The following CTSH variants were observed in gnomAD, a reference collection of about 807,000 sequenced individuals.
CTSH encodes the protein cathepsin H.
A neutral mutation model predicts 56.3 loss-of-function variants in CTSH; 52 were observed. The observed-to-expected ratio is 0.92, with a 90% CI of 0.74 to 1.16. The LOEUF (loss-of-function observed/expected upper bound fraction) is 1.16, where lower values mean the gene tolerates loss of function less well. Among genes scored for constraint, CTSH ranks in the 50% most tolerant of loss-of-function variants. The pLI is 0.00. For synonymous variants in CTSH, 174 were observed against 155.7 expected (o/e 1.12, Z -0.88); for missense variants, 406 against 424.5 (o/e 0.96, Z 0.38).
At chr15:78,924,852 CTT>C (rs10689092) in intron 10 of CTSH, among the ~76,000 whole-genome samples, 14 of 135,712 alleles carry the variant, frequency 1.0e-4, no homozygotes, top group African/African-American at 1.9e-4. Context: ...ACCACGCTGG[CTT>C]TTTTTTTTTT....
chr15:78,931,923 T>G, intron 6 of CTSH: 4 of 1,183,468 alleles, frequency 3.4e-6, no homozygotes, highest in Non-Finnish European at 4.2e-6. Flanking sequence ...GCACTGTCCC[T>G]CCTTTCTCCA....
intron 10 of CTSH, among the ~76,000 whole-genome samples, chr15:78,924,483 C>T (rs960862909): frequency 8.5e-5 from 13 of 152,048 alleles, no homozygotes; most frequent in East Asian, 3.9e-4. Flanking sequence ...TAGTGAGTGA[C>T]GTTAACGGGC....
intron 1 of CTSH, 145 bp downstream of exon 1, chr15:78,944,746 C>T (rs1488568825): frequency 1.5e-6 from 2 of 1,343,366 alleles, no homozygotes; most frequent in Admixed American, 6.4e-5. Flanking sequence ...TACCCCTCCC[C>T]GTGCCAGCAC....
At chr15:78,938,413 T>C (rs1287534178) in intron 2 of CTSH, among the ~76,000 whole-genome samples, 1 of 152,148 alleles carries the variant, frequency 6.6e-6, no homozygotes, top group African/African-American at 2.4e-5. Flanking sequence ...TTTATCTTCA[T>C]CCCTGCTTCC....
chr15:78,944,813 T>G (rs773037361), intron 1 of CTSH, 78 bp downstream of exon 1: 26 of 1,470,110 alleles, frequency 1.8e-5, no homozygotes, highest in Non-Finnish European at 2.4e-5. Flanking sequence ...CGGAGCCCAG[T>G]GCGCCCCTGG....
intron 6 of CTSH, 89 bp from the exon 7 acceptor site, chr15:78,931,595 A>G (rs2055062529): frequency 6.2e-7 from 1 of 1,605,836 alleles, no homozygotes. Flanking sequence ...GCTGAGCCAC[A>G]TCTGAGGCCC....
intron 9 of CTSH, chr15:78,925,913 A>C (rs566458107): frequency 5.6e-4 from 89 of 158,906 alleles, no homozygotes; most frequent in African/African-American, 2.1e-3. Context: ...GGGGGAAGGT[A>C]GGTGGGGGGA....
intron 6 of CTSH, chr15:78,931,903 G>C: frequency 8.3e-7 from 1 of 1,208,294 alleles, no homozygotes; most frequent in Admixed American, 3.6e-5. Flanking sequence ...GGCATCACCA[G>C]GCCGGCTGTG....
chr15:78,934,771 G>A (rs1029845988), intron 5 of CTSH: 12 of 658,628 alleles, frequency 1.8e-5, no homozygotes, highest in African/African-American at 7.2e-5. Context: ...GCCCAATAAA[G>A]AGGAACTTTT....
intron 7 of CTSH, among the ~76,000 whole-genome samples, chr15:78,930,673 A>G (rs973560778): frequency 1.3e-5 from 2 of 152,202 alleles, no homozygotes; most frequent in African/African-American, 4.8e-5. Context: ...GTAAGGGGAC[A>G]CTGAGCATGA....
At position 78,922,091 on chromosome 15, in the gene CTSH, C is replaced by T. The variant is rs1054905615; in HGVS notation, c.*39G>A. The T allele has an allele frequency of 1.3e-5, 20 of 1,542,464 alleles. No individual in the cohort carries two copies. Among genetic ancestry groups the T allele is most frequent in the Non-Finnish European group, 1.8e-5 (20 of 1,140,644 alleles). ...CCACCCAGGCCCAGGCTGCCCGTTC[C>T]TCTCCTTCTCCGCCAGTCTGCGCTG... On this transcript the variant is annotated 3_prime_UTR_variant, in exon 12 of 12. Transcript: ENST00000220166.
chr15:78,937,393 G>A lies in CTSH; in HGVS notation c.154C>T (p.His52Tyr), dbSNP rs769852536. 1.2e-6 allele frequency: 2 copies of A among 1,614,134 alleles called. No individual in the cohort carries two copies. Among genetic ancestry groups the A allele is most frequent in the South Asian group, 2.2e-5 (2 of 91,084 alleles). The change falls in exon 3 of 12, where the codon CAC becomes TAC. Residue 52 changes from histidine (H) to tyrosine (Y), a missense_variant. By Grantham distance (83) the His-to-Tyr change is moderately conservative. Coordinates refer to ENST00000220166, the MANE Select transcript of CTSH (RefSeq NM_004390.5). ...CTGGCAAACGTCTGCAGCCTGTGGTGGTACTCCTCCGTACTGTAGGTCTTA... is the reference window on the plus strand; with the variant it reads ...CTGGCAAACGTCTGCAGCCTGTGGTAGTACTCCTCCGTACTGTAGGTCTTA... ...HRKTYSTEEY[H>Y]HRLQTFASNW...
chr15:78,931,521 C>A lies in CTSH; in HGVS notation c.493-15G>T. The stretch of plus-strand genomic sequence containing the variant: ...TGCTGTTCCGCCTGGAAGAAGGACA[C>A]AACCCAGTGACCTGCCAGCTGAGAA... On this transcript the variant is annotated splice_polypyrimidine_tract_variant and intron_variant, in intron 6 of 11. Coordinates refer to ENST00000220166, the MANE Select transcript of CTSH (RefSeq NM_004390.5). The A allele has an allele frequency of 1.2e-6, 2 of 1,614,220 alleles. No individual in the cohort carries two copies. Among genetic ancestry groups the A allele is most frequent in the Non-Finnish European group, 1.7e-6 (2 of 1,180,034 alleles).
intron 2 of CTSH, among the ~76,000 whole-genome samples, chr15:78,938,814 A>T (rs535292193): frequency 6.8e-6 from 1 of 146,468 alleles, no homozygotes; most frequent in South Asian, 2.3e-4. Flanking sequence ...TTTTGTTTTG[A>T]GTTTTTGATG....
At chr15:78,940,420 C>T (rs923200804) in intron 1 of CTSH, among the ~76,000 whole-genome samples, 32 of 149,412 alleles carry the variant, frequency 2.1e-4, no homozygotes, top group East Asian at 1.9e-4. Context: ...CTCGTCTCTA[C>T]AAAAAAATAA....
At chr15:78,929,290 C>A in intron 8 of CTSH, 122 bp downstream of exon 8, 1 of 779,066 alleles carries the variant, frequency 1.3e-6, no homozygotes. Context: ...AGAGAACAGA[C>A]AATTGTGAGA....
In CTSH at chr15:78,923,603, G is replaced by C. The variant is rs1408630360; in HGVS notation, c.807-485C>G. ...CGCACCCGGCCCTTTCAGTTCTTTT[G>C]GTTCTTCTGCTTCTGTCAGGAGAAT... On this transcript the variant is annotated intron_variant, in intron 10 of 11. Coordinates refer to ENST00000220166, the MANE Select transcript of CTSH (RefSeq NM_004390.5). 6.6e-5 allele frequency among the ~76,000 whole-genome samples: 10 copies of C among 152,068 alleles called. No individual in the cohort carries two copies. The South Asian group carries it at 1.9e-3, about 28-fold the overall frequency.
At chr15:78,933,805 G>A (rs190542750) in intron 5 of CTSH, among the ~76,000 whole-genome samples, 1 of 152,360 alleles carries the variant, frequency 6.6e-6, no homozygotes, top group Admixed American at 6.5e-5. Context: ...GGAGGGTGCT[G>A]AGCTGATGGA....
intron 2 of CTSH, among the ~76,000 whole-genome samples, 196 bp downstream of exon 2, chr15:78,938,944 A>G (rs1483765056): frequency 6.6e-6 from 1 of 152,204 alleles, no homozygotes; most frequent in African/African-American, 2.4e-5. Flanking sequence ...CAAGTTAATC[A>G]CTTGGGACCA....
Sources: gnomAD v4.1 joint callset for allele counts (sites outside exome capture counted in the v4.1 genomes callset) on GRCh38, gnomAD v4.1.1 for gene constraint, MANE v1.5 for transcripts, NCBI Gene and HGNC (gene_info 2026-07-23, HGNC 2026-07-21) for gene names.